Variants in CACNA2D3 observed in about 807,000 individuals in gnomAD.
CACNA2D3 encodes voltage-dependent calcium channel subunit alpha-2/delta-3.
A neutral mutation model predicts 160.6 loss-of-function variants in CACNA2D3; 60 were observed. The ratio of observed to expected loss-of-function variants is 0.37; its 90% CI spans 0.30 to 0.46. The LOEUF (loss-of-function observed/expected upper bound fraction) is 0.46, where lower values mean the gene tolerates loss of function less well. CACNA2D3 is among the 20% of genes least tolerant of loss of function. CACNA2D3 has a pLI of 1.00. For missense variants in CACNA2D3, 1,205 were observed against 1,365.0 expected (o/e 0.88, Z 1.85); for synonymous variants, 558 against 492.9 (o/e 1.13, Z -1.75).
rs563039782 is a variant in CACNA2D3 at position 55,066,753 on chromosome 3, TCCCTCGAGGA to T, written c.2988-6689_2988-6680del. The stretch of plus-strand genomic sequence containing the variant: ...ATTGCTTCCCTCTCCCAACTCCCTT[TCCCTCGAGGA>T]CCTAATTTATTTCACGCATTTTGAC... On this transcript the variant is annotated intron_variant, in intron 35 of 37. Transcript: ENST00000474759. Among the ~76,000 whole-genome samples, 249 of 152,266 alleles carry T rather than the reference TCCCTCGAGGA, an allele frequency of 1.6e-3. 2 individuals are homozygous for T. Among genetic ancestry groups the T allele is most frequent in the Non-Finnish European group, 2.8e-3 (190 of 68,018 alleles).
At chr3:54,788,187 T>C (rs889203552) in intron 13 of CACNA2D3, among the ~76,000 whole-genome samples, 1 of 152,238 alleles carries the variant, frequency 6.6e-6, no homozygotes, top group Non-Finnish European at 1.5e-5. Context: ...AGTCATGATA[T>C]TACTGTGGGT....
At chr3:54,457,384 T>C (rs1374552857) in intron 4 of CACNA2D3, among the ~76,000 whole-genome samples, 1 of 152,110 alleles carries the variant, frequency 6.6e-6, no homozygotes, top group East Asian at 1.9e-4. Context: ...TTCTTGTTAC[T>C]GATTTCTAGT....
At chr3:54,826,177 G>C (rs1305791663) in intron 14 of CACNA2D3, among the ~76,000 whole-genome samples, 1 of 152,096 alleles carries the variant, frequency 6.6e-6, no homozygotes, top group Non-Finnish European at 1.5e-5. Flanking sequence ...GCTTTTTCCA[G>C]TCATGTTACT....
chr3:54,402,334 G>A (rs148342682), intron 4 of CACNA2D3, among the ~76,000 whole-genome samples: 1 of 151,972 alleles, frequency 6.6e-6, no homozygotes, highest in Non-Finnish European at 1.5e-5. Context: ...AAAAGACATA[G>A]AGTGGCTAAA....
At chr3:54,294,271 C>G (rs188887186) in intron 2 of CACNA2D3, among the ~76,000 whole-genome samples, 33 of 152,226 alleles carry the variant, frequency 2.2e-4, no homozygotes, top group African/African-American at 7.2e-4. Context: ...TGGTCTTGCC[C>G]AAGGATCAAG....
At chr3:54,722,065 G>A (rs1436560489) in intron 11 of CACNA2D3, among the ~76,000 whole-genome samples, 4 of 152,052 alleles carry the variant, frequency 2.6e-5, no homozygotes, top group Non-Finnish European at 5.9e-5. Context: ...TGTAGATTTG[G>A]TCTTTTCACA....
intron 4 of CACNA2D3, among the ~76,000 whole-genome samples, chr3:54,412,173 TTTC>T (rs1367947948): frequency 1.3e-5 from 2 of 152,174 alleles, no homozygotes; most frequent in African/African-American, 4.8e-5. Flanking sequence ...GGATGAATTC[TTTC>T]TTCTTTTCTG....
chr3:54,877,981 T>C (rs1699702339), intron 18 of CACNA2D3, among the ~76,000 whole-genome samples: 1 of 152,168 alleles, frequency 6.6e-6, no homozygotes, highest in Non-Finnish European at 1.5e-5. Context: ...ATGCCTATTA[T>C]GTGTTGTTAA....
intron 2 of CACNA2D3, among the ~76,000 whole-genome samples, chr3:54,213,016 G>T (rs1379962372): frequency 6.6e-6 from 1 of 152,016 alleles, no homozygotes; most frequent in Non-Finnish European, 1.5e-5. Context: ...CCTTTAATCT[G>T]TGCACATCAG....
At chr3:54,487,846 A>G (rs1350766751) in intron 4 of CACNA2D3, among the ~76,000 whole-genome samples, 1 of 152,240 alleles carries the variant, frequency 6.6e-6, no homozygotes, top group African/African-American at 2.4e-5. Context: ...TGACCTTCAC[A>G]TGCTCAATGA....
intron 2 of CACNA2D3, among the ~76,000 whole-genome samples, chr3:54,291,898 A>C (rs1425643317): frequency 6.6e-6 from 1 of 152,234 alleles, no homozygotes; most frequent in Non-Finnish European, 1.5e-5. Flanking sequence ...GAAATGTAAC[A>C]CTTACAATCC....
chr3:54,562,622 G>A (rs1702344281), intron 5 of CACNA2D3, among the ~76,000 whole-genome samples, 178 bp from the exon 6 acceptor site: 1 of 152,184 alleles, frequency 6.6e-6, no homozygotes, highest in South Asian at 2.1e-4. Context: ...GGCAGGAGGG[G>A]AATCCCCAGC....
chr3:54,448,517 AC>A (rs1450850376), intron 4 of CACNA2D3, among the ~76,000 whole-genome samples: 6 of 152,176 alleles, frequency 3.9e-5, no homozygotes, highest in Non-Finnish European at 8.8e-5. Flanking sequence ...ACCTGGTTTC[AC>A]CCAAAACACT....
intron 2 of CACNA2D3, among the ~76,000 whole-genome samples, chr3:54,287,230 A>G (rs1703055182): frequency 6.6e-6 from 1 of 152,222 alleles, no homozygotes. Context: ...GGGACGGAGG[A>G]AGATATACCA....
chr3:54,906,946 G>A (rs900666793), intron 27 of CACNA2D3, among the ~76,000 whole-genome samples: 6 of 152,154 alleles, frequency 3.9e-5, no homozygotes, highest in African/African-American at 1.4e-4. Flanking sequence ...AGTAGCCAGT[G>A]ACAAGGGCAT....
At chr3:54,462,420 G>A (rs1369159824) in intron 4 of CACNA2D3, among the ~76,000 whole-genome samples, 1 of 152,192 alleles carries the variant, frequency 6.6e-6, no homozygotes, top group African/African-American at 2.4e-5. Flanking sequence ...AAGTCTCTTT[G>A]TATGTCACTC....
intron 11 of CACNA2D3, among the ~76,000 whole-genome samples, chr3:54,742,679 T>C (rs1176149455): frequency 1.3e-5 from 2 of 152,188 alleles, no homozygotes; most frequent in Non-Finnish European, 2.9e-5. Context: ...CACATTGCTA[T>C]TTTAAGATGC....
At chr3:55,007,343 A>G (rs140612225) in intron 32 of CACNA2D3, among the ~76,000 whole-genome samples, 1 of 152,290 alleles carries the variant, frequency 6.6e-6, no homozygotes, top group African/African-American at 2.4e-5. Context: ...GGTGTATGCA[A>G]TTTTTGCTTA....
intron 9 of CACNA2D3, among the ~76,000 whole-genome samples, chr3:54,620,330 G>A (rs1179207851): frequency 6.6e-6 from 1 of 152,098 alleles, no homozygotes; most frequent in African/African-American, 2.4e-5. Context: ...CAGTGAGCTC[G>A]AGCTACCTGA....
Sources: allele counts gnomAD v4.1 joint callset (sites outside exome capture counted in the v4.1 genomes callset), GRCh38; gene constraint gnomAD v4.1.1; transcripts MANE v1.5; gene names NCBI Gene and HGNC (gene_info 2026-07-23, HGNC 2026-07-21).